SUN5: variants seen among roughly 807,000 people sequenced by gnomAD.
SUN5 encodes the protein Sad1 and UNC84 domain containing 5.
A neutral mutation model predicts 53.7 loss-of-function variants in SUN5; 44 were observed. The observed-to-expected ratio is 0.82, with a 90% CI of 0.64 to 1.05. The LOEUF is 1.05. Among genes scored for constraint, SUN5 ranks in the 50% least tolerant of loss-of-function variants. The pLI is 0.00. For missense variants in SUN5, 433 were observed against 483.8 expected, an observed-to-expected ratio of 0.90 and a Z score of 0.98; for synonymous variants, 166 against 179.8, an observed-to-expected ratio of 0.92 and a Z score of 0.62.
chr20:32,993,672 A>G (rs999463897), intron 8 of SUN5, among the ~76,000 whole-genome samples: 27 of 152,330 alleles, frequency 1.8e-4, no homozygotes, highest in Admixed American at 1.0e-3. Flanking sequence ...CGCAAAACAC[A>G]ACAAGCAAGA....
At chr20:32,999,032 C>T (rs1989927408) in intron 5 of SUN5, among the ~76,000 whole-genome samples, 1 of 151,864 alleles carries the variant, frequency 6.6e-6, no homozygotes, top group African/African-American at 2.4e-5. Flanking sequence ...CAGACCCTGT[C>T]TTAAAAAACA....
chr20:32,986,434 G>A (rs536004220), intron 10 of SUN5, among the ~76,000 whole-genome samples: 2 of 152,262 alleles, frequency 1.3e-5, no homozygotes, highest in South Asian at 2.1e-4. Flanking sequence ...AGAGAAAGAG[G>A]TTTGATGGAA....
In SUN5 at chr20:33,001,220, G is replaced by A; in HGVS notation, c.270C>T (p.Asn90=). 1 of 1,574,450 alleles carries A rather than the reference G, an allele frequency of 6.4e-7. No homozygotes were observed. Among genetic ancestry groups the A allele is most frequent in the East Asian group, 2.3e-5 (1 of 43,468 alleles). Residue 90 remains asparagine (N), a synonymous_variant, in exon 4 of 13, where the codon AAC becomes AAT. Coordinates refer to ENST00000356173, the MANE Select transcript of SUN5 (RefSeq NM_080675.4). ...CTGCCTTCCCTGCTCACCTGCACGT[G>A]TTAAACAGAACCTGCTGGGCCTGAG... The part of the protein sequence containing the change: ...LRTQAQQVLF[N]TCRCKLLCQK...
At chr20:32,995,336 A>G (rs2070309) in intron 8 of SUN5, among the ~76,000 whole-genome samples, 52,433 of 152,084 alleles carry the variant, frequency 0.34, 9,732 homozygotes, top group East Asian at 0.79. Context: ...AGTATAAACT[A>G]TAATAGAGTG....
At chr20:32,989,540 C>T in intron 9 of SUN5, 80 bp downstream of exon 9, 1 of 1,247,014 alleles carries the variant, frequency 8.0e-7, no homozygotes, top group South Asian at 1.2e-5. Flanking sequence ...GGGAGTACCA[C>T]ACCAGAACTG....
intron 12 of SUN5, among the ~76,000 whole-genome samples, chr20:32,984,720 T>C (rs764890995): frequency 6.6e-6 from 1 of 152,168 alleles, no homozygotes; most frequent in Non-Finnish European, 1.5e-5. Flanking sequence ...AGGCCTCAGT[T>C]TCCCCACCTG....
chr20:32,984,063 A>G (rs1392689849), intron 12 of SUN5, 114 bp from the exon 13 acceptor site: 11 of 1,345,394 alleles, frequency 8.2e-6, no homozygotes, highest in Non-Finnish European at 1.1e-5. Flanking sequence ...ACTAAGGCCC[A>G]GACAGGAGGA....
In SUN5 at chr20:33,000,113, G is replaced by A; in HGVS notation, c.301C>T (p.Leu101Phe). The change falls in exon 5 of 13, where the codon CTC (leucine) becomes TTC (phenylalanine). Residue 101 changes from leucine to phenylalanine, a missense_variant. Transcript: ENST00000356173. ...TCRCKLLCQK[L>F]MEKTGILLLC... ...AGCAGAATGCCTGTCTTCTCCATGA[G>A]CTTCTGGCACAGCAGCTTGCATCTG... is the stretch of plus-strand genomic sequence containing the variant. 6.2e-7 allele frequency: 1 copy of A among 1,607,262 alleles called. No individual in the cohort carries two copies. The highest frequency in any genetic ancestry group is 8.5e-7 in the Non-Finnish European group (1 of 1,177,868).
At chr20:33,003,042 G>C (rs1990095658) in intron 1 of SUN5, 123 bp from the exon 2 acceptor site, 1 of 1,118,326 alleles carries the variant, frequency 8.9e-7, no homozygotes, top group Non-Finnish European at 1.3e-6. Flanking sequence ...AACACCACCA[G>C]CCTGTGATTC....
At position 33,000,073 on chromosome 20, in the gene SUN5, C is replaced by T. The variant is rs765317934; in HGVS notation, c.340+1G>A. The T allele has an allele frequency of 6.2e-7, 1 of 1,608,810 alleles. No individual in the cohort carries two copies. Among genetic ancestry groups the T allele is most frequent in the South Asian group, 1.1e-5 (1 of 89,026 alleles). On this transcript the variant is annotated splice_donor_variant, in intron 5 of 12. Coordinates refer to ENST00000356173, the MANE Select transcript of SUN5 (RefSeq NM_080675.4). LOFTEE classifies it high-confidence loss of function. ...GGACTGGGCAGGGCCCTGGGACACA[C>T]CGAAAGCACAGAGGAGCAGAATGCC... is the stretch of plus-strand genomic sequence containing the variant.
chr20:33,001,757 C>T (rs1363263301), intron 3 of SUN5, among the ~76,000 whole-genome samples: 1 of 148,304 alleles, frequency 6.7e-6, no homozygotes, highest in East Asian at 1.9e-4. Context: ...CAACCTCCAC[C>T]TCCCAAGTTC....
At chr20:33,001,804 G>A (rs1376257752) in intron 3 of SUN5, among the ~76,000 whole-genome samples, 1 of 151,720 alleles carries the variant, frequency 6.6e-6, no homozygotes, top group Non-Finnish European at 1.5e-5. Context: ...GAGTAGCTGG[G>A]ACTACAAGTG....
rs575724447 is a variant in SUN5, at chr20:32,993,383, G to A, written c.534+2236C>T. On this transcript the variant is annotated intron_variant, in intron 8 of 12. Coordinates refer to ENST00000356173, the MANE Select transcript of SUN5 (RefSeq NM_080675.4). ...TTTTAAATCTCTGGGGGTATTTGAC[G>A]ATTCTAGGCATAGGCTAAGGATCTG... 3.3e-5 allele frequency among the ~76,000 whole-genome samples: 5 copies of A among 152,324 alleles called. No homozygotes were observed. In the South Asian group the frequency reaches 8.3e-4, roughly 25 times the overall value.
chr20:33,003,025 G>T (rs942192608), intron 1 of SUN5, 106 bp from the exon 2 acceptor site: 40 of 1,289,600 alleles, frequency 3.1e-5, no homozygotes, highest in Non-Finnish European at 4.2e-5. Flanking sequence ...TACAGAGAAG[G>T]TTTCCCAACA....
At chr20:33,001,182 A>G (rs771412370) in intron 4 of SUN5, 30 bp downstream of exon 4, 2 of 1,558,974 alleles carry the variant, frequency 1.3e-6, no homozygotes, top group East Asian at 2.4e-5. Context: ...CCCACTCCCC[A>G]TCCACCCTCC....
intron 10 of SUN5, among the ~76,000 whole-genome samples, chr20:32,987,201 G>C (rs1989567522): frequency 6.6e-6 from 1 of 152,198 alleles, no homozygotes; most frequent in Non-Finnish European, 1.5e-5. Flanking sequence ...TTGAACTCTG[G>C]CTCTGCTACA....
rs1329379104 is a variant in SUN5, at chr20:32,983,840, G to C, written c.1094C>G (p.Pro365Arg). The C allele has an allele frequency of 1.4e-5, 22 of 1,584,752 alleles. No individual in the cohort carries two copies. The highest frequency in any genetic ancestry group is 1.7e-5 in the Non-Finnish European group (20 of 1,164,704). Residue 365 changes from proline to arginine, a missense_variant, in exon 13 of 13, where the codon CCG becomes CGG. Physicochemically the swap from Pro to Arg is moderately radical, Grantham distance 103 (BLOSUM62 -2). Coordinates refer to ENST00000356173, the MANE Select transcript of SUN5 (RefSeq NM_080675.4). ...GTTCTGGTGAGGCTGCTCTCTGGGC[G>C]GGGCCACAGAGCCATGCACTCGCAC... ...YRVRVHGSVA[P>R]PREQPHQNPY... is the part of the protein sequence containing the mutation.
chr20:32,990,360 G>A (rs1989678935), intron 8 of SUN5, among the ~76,000 whole-genome samples: 1 of 152,174 alleles, frequency 6.6e-6, no homozygotes, highest in Non-Finnish European at 1.5e-5. Context: ...AATACCAGCT[G>A]TTCTTTTTAT....
chr20:32,985,075 G>A, intron 12 of SUN5, 24 bp downstream of exon 12: 2 of 1,612,746 alleles, frequency 1.2e-6, no homozygotes, highest in African/African-American at 1.3e-5. Context: ...CAGGTGCTCA[G>A]CACAGGCAGC....
Sources: gnomAD v4.1 joint callset for allele counts (sites outside exome capture counted in the v4.1 genomes callset) on GRCh38, gnomAD v4.1.1 for gene constraint, MANE v1.5 for transcripts, NCBI Gene and HGNC (gene_info 2026-07-23, HGNC 2026-07-21) for gene names.